Variants in CHKA observed in about 807,000 individuals in gnomAD.
CHKA encodes the protein CHETK-alpha.
In CHKA, 34 loss-of-function variants were observed where a neutral mutation model predicts 60.1. The ratio of observed to expected loss-of-function variants is 0.57; its 90% CI spans 0.43 to 0.75. The LOEUF is 0.75. Ranked by LOEUF, CHKA falls within the 30% of genes least tolerant of loss-of-function variation. The pLI, the probability that CHKA is intolerant of heterozygous loss-of-function variation, is 0.00. For synonymous variants in CHKA, 217 were observed against 223.1 expected (o/e 0.97, Z 0.24); for missense variants, 563 against 561.3 (o/e 1.00, Z -0.03).
chr11:68,120,622 G>A (rs1034646850), intron 1 of CHKA, among the ~76,000 whole-genome samples: 5 of 152,166 alleles, frequency 3.3e-5, no homozygotes, highest in African/African-American at 1.2e-4. Flanking sequence ...GGCCTGCGGC[G>A]GCCGCGAACC....
At chr11:68,106,163 G>C (rs1349036756) in intron 1 of CHKA, among the ~76,000 whole-genome samples, 1 of 152,164 alleles carries the variant, frequency 6.6e-6, no homozygotes, top group Non-Finnish European at 1.5e-5. Context: ...AAACAGTGCT[G>C]CAGTAAAACA....
chr11:68,105,464 G>A (rs1215641855), intron 1 of CHKA, among the ~76,000 whole-genome samples: 5 of 120,626 alleles, frequency 4.1e-5, no homozygotes, highest in Non-Finnish European at 7.9e-5. Context: ...GCAGTGAGCC[G>A]AAATCGGGCC....
intron 1 of CHKA, among the ~76,000 whole-genome samples, chr11:68,108,938 G>A (rs534272515): frequency 1.6e-3 from 236 of 152,120 alleles, no homozygotes; most frequent in Non-Finnish European, 2.2e-3. Context: ...AACTCCAGGA[G>A]ACCCAATTAC....
At chr11:68,086,973 G>A (rs148471510) in intron 2 of CHKA, among the ~76,000 whole-genome samples, 9 of 126,676 alleles carry the variant, frequency 7.1e-5, no homozygotes, top group South Asian at 2.9e-4. Context: ...GCGACAGAGC[G>A]AGACTCCGTC....
chr11:68,106,216 C>T (rs1857909828), intron 1 of CHKA, among the ~76,000 whole-genome samples: 1 of 152,114 alleles, frequency 6.6e-6, no homozygotes, highest in African/African-American at 2.4e-5. Context: ...TAACCCCCAC[C>T]TCTCTGAAAA....
chr11:68,081,639 C>A, intron 2 of CHKA, 182 bp from the exon 3 acceptor site: 1 of 554,838 alleles, frequency 1.8e-6, no homozygotes, highest in Non-Finnish European at 3.3e-6. Context: ...CTAGTACCAA[C>A]ACCTTAGAAA....
rs866781569 is a variant in CHKA at position 68,053,753 on chromosome 11, T to C, written c.*235A>G. 4.2e-6 allele frequency: 2 copies of C among 477,938 alleles called. No individual in the cohort carries two copies. Among genetic ancestry groups the C allele is most frequent in the Admixed American group, 3.8e-5 (1 of 26,580 alleles). 29.6% of individuals were successfully genotyped at this position (477,938 alleles called of 1,614,324 possible). A position where few individuals can be genotyped will look rare whatever the true frequency, so the allele number is the denominator to read the frequency against. ...AAAAGGATTCAGAGATGTTGCACTA[T>C]TGCACTATATTTCTGCTTCCCGATC... On this transcript the variant is annotated 3_prime_UTR_variant, in exon 12 of 12. Transcript: ENST00000265689.
intron 3 of CHKA, among the ~76,000 whole-genome samples, chr11:68,080,721 C>A (rs1350669195): frequency 6.6e-6 from 1 of 152,192 alleles, no homozygotes; most frequent in Non-Finnish European, 1.5e-5. Flanking sequence ...ACATCTTAGA[C>A]CCACGTATGT....
chr11:68,061,689 A>G, intron 11 of CHKA: 1 of 535,670 alleles, frequency 1.9e-6, no homozygotes, highest in Non-Finnish European at 3.6e-6. Flanking sequence ...CACTTCTCTG[A>G]AGCAGGGGAG....
At position 68,121,339 on chromosome 11, in the gene CHKA, C is replaced by CGGCGACTGCGGCGACTGT. The variant is rs1296176840; in HGVS notation, c.-163_-162insACAGTCGCCGCAGTCGCC. 1.6e-4 allele frequency: 50 copies of CGGCGACTGCGGCGACTGT among 321,776 alleles called. 1 individual carries two copies. In the East Asian group the frequency reaches 3.9e-3, roughly 25 times the overall value. The allele number at this position is 321,776 out of a possible 1,614,324, so 19.9% of individuals were successfully genotyped here. On this transcript the variant is annotated 5_prime_UTR_variant, in exon 1 of 12. Coordinates refer to ENST00000265689, the MANE Select transcript of CHKA (RefSeq NM_001277.3). Reference sequence around the variant, plus strand: ...GCGGCGGCGGCGGCTGCGGCGACTGCGGCGACTGTGGAGCGGGGATGTGCT... The same window carrying CGGCGACTGCGGCGACTGT: ...GCGGCGGCGGCGGCTGCGGCGACTGCGGCGACTGCGGCGACTGTGGCGACTGTGGAGCGGGGATGTGCT...
intron 2 of CHKA, among the ~76,000 whole-genome samples, chr11:68,090,907 G>C (rs1037338131): frequency 6.6e-6 from 1 of 152,210 alleles, no homozygotes; most frequent in Non-Finnish European, 1.5e-5. Context: ...TGTTCTGACA[G>C]AGGAAGGGAC....
chr11:68,062,627 T>C (rs1707991365), intron 10 of CHKA, among the ~76,000 whole-genome samples: 1 of 152,194 alleles, frequency 6.6e-6, no homozygotes, highest in Non-Finnish European at 1.5e-5. Flanking sequence ...AACAATACCC[T>C]GAGGGCTCAT....
At chr11:68,066,364 T>C in intron 8 of CHKA, 65 bp downstream of exon 8, 1 of 1,312,928 alleles carries the variant, frequency 7.6e-7, no homozygotes, top group Non-Finnish European at 1.1e-6. Context: ...CTAATAACTG[T>C]TAATTAAGCA....
intron 5 of CHKA, 39 bp downstream of exon 5, chr11:68,070,685 T>C (rs1272267263): frequency 2.5e-6 from 4 of 1,594,058 alleles, no homozygotes; most frequent in Admixed American, 3.4e-5. Flanking sequence ...GAGCCACCAC[T>C]GTAAAACTAT....
At chr11:68,070,942 G>A in intron 4 of CHKA, 85 bp from the exon 5 acceptor site, 8 of 1,362,472 alleles carry the variant, frequency 5.9e-6, no homozygotes, top group Admixed American at 1.9e-5. Flanking sequence ...AACGAGAAGT[G>A]TTTTTGTAGT....
chr11:68,114,672 C>T (rs951023500), intron 1 of CHKA, among the ~76,000 whole-genome samples: 5 of 148,798 alleles, frequency 3.4e-5, no homozygotes, highest in Admixed American at 2.7e-4. Flanking sequence ...ACTCCAGCCT[C>T]GGCGACAGAG....
At chr11:68,087,387 C>A (rs1351374122) in intron 2 of CHKA, among the ~76,000 whole-genome samples, 8 of 151,882 alleles carry the variant, frequency 5.3e-5, no homozygotes, top group Non-Finnish European at 4.4e-5. Flanking sequence ...AAGGCTGAGG[C>A]GGGAGAATCG....
chr11:68,077,541 A>G (rs1856833235), intron 3 of CHKA, among the ~76,000 whole-genome samples: 1 of 152,228 alleles, frequency 6.6e-6, no homozygotes, highest in African/African-American at 2.4e-5. Context: ...GGCTTCAGAA[A>G]TAAAGACTCA....
chr11:68,061,731 C>T lies in CHKA; in HGVS notation c.1314+222G>A, dbSNP rs1008120190. On this transcript the variant is annotated intron_variant, in intron 11 of 11. Coordinates refer to ENST00000265689, the MANE Select transcript of CHKA (RefSeq NM_001277.3). ...TCAGCTGGCCTGGAAGTGAGGGCAACCTCCAAAGGCAACCACAGCATCAGT... is the reference window on the plus strand; with the variant it reads ...TCAGCTGGCCTGGAAGTGAGGGCAATCTCCAAAGGCAACCACAGCATCAGT... 5.1e-6 allele frequency: 3 copies of T among 586,842 alleles called. No individual in the cohort carries two copies. In the Admixed American group the frequency reaches 6.5e-5, roughly 13 times the overall value. The allele number at this position is 586,842 out of a possible 1,614,324, so 36.4% of individuals were successfully genotyped here.
Sources: gnomAD v4.1 joint callset for allele counts (sites outside exome capture counted in the v4.1 genomes callset) on GRCh38, gnomAD v4.1.1 for gene constraint, MANE v1.5 for transcripts, NCBI Gene and HGNC (gene_info 2026-07-23, HGNC 2026-07-21) for gene names.